NUP50: variants seen among roughly 807,000 people sequenced by gnomAD.
The protein encoded by NUP50 is nucleoporin 50.
NUP50 carries 14 observed loss-of-function variants against 36.8 expected under a neutral mutation model. That is an observed-to-expected ratio of 0.38 (90% CI 0.25 to 0.59). The LOEUF (loss-of-function observed/expected upper bound fraction) is 0.59, where lower values mean the gene tolerates loss of function less well. NUP50 is among the 20% of genes least tolerant of loss of function. NUP50 has a pLI of 0.63. For synonymous variants in NUP50, 195 were observed against 210.8 expected, an observed-to-expected ratio of 0.93 and a Z score of 0.65; for missense variants, 455 against 564.6, an observed-to-expected ratio of 0.81 and a Z score of 1.97.
chr22:45,184,227 GA>G (rs372694653), intron 7 of NUP50: 191 of 553,874 alleles, frequency 3.4e-4, no homozygotes, highest in African/African-American at 3.1e-3. Flanking sequence ...TGGGTGCAGA[GA>G]CCCGGGCTGG....
chr22:45,183,798 GAAATTAA>G (rs1036282521), intron 7 of NUP50: 32 of 336,946 alleles, frequency 9.5e-5, no homozygotes, highest in African/African-American at 6.3e-4. Context: ...ACACCCAAGG[GAAATTAA>G]CCTTTTAAAG....
intron 1 of NUP50, among the ~76,000 whole-genome samples, chr22:45,165,549 T>A (rs1240924785): frequency 6.6e-6 from 1 of 152,244 alleles, no homozygotes; most frequent in Non-Finnish European, 1.5e-5. Flanking sequence ...GTGCCAGGCC[T>A]TGTTCTGAAT....
intron 7 of NUP50, 111 bp from the exon 8 acceptor site, chr22:45,184,340 CCT>C: frequency 1.0e-6 from 1 of 983,292 alleles, no homozygotes; most frequent in Non-Finnish European, 1.5e-6. Flanking sequence ...CTGTTGGCTC[CCT>C]GTCTTAGATG....
Position 45,178,319 on chromosome 22 carries a change from C to T in NUP50, c.422C>T (p.Ser141Phe). Residue 141 changes from serine (S) to phenylalanine (F), a missense_variant, in exon 5 of 8, where the codon TCC (serine) becomes TTC (phenylalanine). Physicochemically the swap from Ser to Phe is radical, Grantham distance 155 (BLOSUM62 -2). Transcript: ENST00000347635. ...ACTAATGGGGACAGTCAGCAGCCCT[C>T]CTCCTCTGGCCTTGCTTCCAGTAAA... ...PKTNGDSQQP[S>F]SSGLASSKAC... 6.2e-7 allele frequency: 1 copy of T among 1,614,010 alleles called. No individual in the cohort carries two copies. Among genetic ancestry groups the T allele is most frequent in the Non-Finnish European group, 8.5e-7 (1 of 1,179,854 alleles).
Position 45,184,615 on chromosome 22 carries a change from A to G in NUP50, c.1367A>G (p.Asp456Gly). ...LIRVKTSEDA[D>G]ELHKILLEKK... ...CGGGTAAAAACCAGCGAGGATGCAGACGAGTTGCACAAAATTTTACTGGAG... is the reference window on the plus strand; with the variant it reads ...CGGGTAAAAACCAGCGAGGATGCAGGCGAGTTGCACAAAATTTTACTGGAG... The change falls in exon 8 of 8, where the codon GAC becomes GGC. Residue 456 changes from aspartate to glycine, a missense_variant. Transcript: ENST00000347635. 2 of 1,613,408 alleles carry G rather than the reference A, an allele frequency of 1.2e-6. No homozygotes were observed. The highest frequency in any genetic ancestry group is 1.1e-5 in the South Asian group (1 of 91,066).
rs2083448688 is a variant in NUP50 at position 45,186,501 on chromosome 22, G to A, written c.*1846G>A. The A allele has an allele frequency of 6.6e-6, 1 of 152,364 alleles. No individual in the cohort carries two copies. Among genetic ancestry groups the A allele is most frequent in the Non-Finnish European group, 1.5e-5 (1 of 68,040 alleles). 9.4% of individuals were successfully genotyped at this position (152,364 alleles called of 1,614,324 possible). On this transcript the variant is annotated 3_prime_UTR_variant, in exon 8 of 8. Coordinates refer to ENST00000347635, the MANE Select transcript of NUP50 (RefSeq NM_007172.4). ...GCTTCCCTGGTACCAGCTGGAATCA[G>A]CAGCTCACAGGCATCTTCAGGACAC...
chr22:45,182,970 G>A (rs1177349357), intron 6 of NUP50, among the ~76,000 whole-genome samples: 1 of 151,602 alleles, frequency 6.6e-6, no homozygotes, highest in Admixed American at 6.6e-5. Context: ...AAAAAGGAGG[G>A]AGAGGTGGGC....
rs2074445200 is a variant in NUP50, at chr22:45,184,872, C to T, written c.*217C>T. 3 of 576,698 alleles carry T rather than the reference C, an allele frequency of 5.2e-6. No individual in the cohort carries two copies. The highest frequency in any genetic ancestry group is 2.2e-5 in the South Asian group (1 of 46,230). 35.7% of individuals were successfully genotyped at this position (576,698 alleles called of 1,614,324 possible). On this transcript the variant is annotated 3_prime_UTR_variant, in exon 8 of 8. Transcript: ENST00000347635. ...TAAGAACTGCCTAAAGTGTAAAATA[C>T]ATTTGAATGCAATTTTTGGAAGATT...
intron 6 of NUP50, among the ~76,000 whole-genome samples, chr22:45,181,649 TCC>T (rs1491392609): frequency 2.0e-5 from 3 of 151,996 alleles, no homozygotes; most frequent in African/African-American, 4.8e-5. Flanking sequence ...TCCCATCCCA[TCC>T]CATTCCATCC....
In NUP50 at chr22:45,181,979, T is replaced by C. The variant is rs2074380582; in HGVS notation, c.1085+612T>C. ...TTTTTGTAATGCAAAAATTTCCGAA[T>C]AATGAGCCAGCAGTTTTCCATGAAC... On this transcript the variant is annotated intron_variant, in intron 6 of 7. Transcript: ENST00000347635. Among the ~76,000 whole-genome samples the C allele has an allele frequency of 2.6e-5, 4 of 152,336 alleles. No homozygotes were observed. The South Asian group carries it at 8.3e-4, about 32-fold the overall frequency.
intron 2 of NUP50, among the ~76,000 whole-genome samples, chr22:45,169,602 A>G (rs2074152808): frequency 1.3e-5 from 2 of 152,270 alleles, no homozygotes; most frequent in Admixed American, 6.5e-5. Flanking sequence ...TACTACTAAT[A>G]TAACCAAGGA....
Position 45,165,103 on chromosome 22 carries a change from C to G in NUP50, c.-11+807C>G, listed in dbSNP as rs2074074595. 9 of 152,234 alleles carry G rather than the reference C, an allele frequency of 5.9e-5. No individual in the cohort carries two copies. In the South Asian group the frequency reaches 1.9e-3, roughly 32 times the overall value. 9.4% of individuals were successfully genotyped at this position (152,234 alleles called of 1,614,324 possible). ...GCAGAGCTACACCAGATGCCAGAGA[C>G]CACATAACTATATCAGGCACAAATA... On this transcript the variant is annotated intron_variant, in intron 1 of 7. Transcript: ENST00000347635.
chr22:45,172,474 A>G (rs1482125557), intron 3 of NUP50, among the ~76,000 whole-genome samples: 1 of 152,216 alleles, frequency 6.6e-6, no homozygotes, highest in African/African-American at 2.4e-5. Flanking sequence ...GGAAATAGTC[A>G]TTGGAGGATC....
At chr22:45,172,601 T>C (rs1434298769) in intron 3 of NUP50, among the ~76,000 whole-genome samples, 1 of 150,392 alleles carries the variant, frequency 6.6e-6, no homozygotes, top group Non-Finnish European at 1.5e-5. Context: ...ATTTCCCTTT[T>C]ATTTCCAAAA....
rs946600536 is a variant in NUP50, at chr22:45,186,475, T to C, written c.*1820T>C. On this transcript the variant is annotated 3_prime_UTR_variant, in exon 8 of 8. Coordinates refer to ENST00000347635, the MANE Select transcript of NUP50 (RefSeq NM_007172.4). ...AAGTTTGTTGCAACTTAGCCACACA[T>C]GCTTCCCTGGTACCAGCTGGAATCA... 8 of 152,312 alleles carry C rather than the reference T, an allele frequency of 5.3e-5. No homozygotes were observed. The highest frequency in any genetic ancestry group is 1.0e-4 in the Non-Finnish European group (7 of 68,040). The allele number at this position is 152,312 out of a possible 1,614,324, so 9.4% of individuals were successfully genotyped here.
At chr22:45,178,164 CAG>C (rs2074306047) in intron 4 of NUP50, 72 bp from the exon 5 acceptor site, 2 of 1,355,476 alleles carry the variant, frequency 1.5e-6, no homozygotes, top group South Asian at 1.3e-5. Flanking sequence ...AGTATGAAGG[CAG>C]AGTGGCAAAA....
At position 45,181,289 on chromosome 22, in the gene NUP50, G is replaced by T. The variant is rs755298702; in HGVS notation, c.1007G>T (p.Gly336Val). 1.9e-6 allele frequency: 3 copies of T among 1,586,756 alleles called. No individual in the cohort carries two copies. Among genetic ancestry groups the T allele is most frequent in the East Asian group, 4.6e-5 (2 of 43,520 alleles). Residue 336 changes from glycine (G) to valine (V), a missense_variant, in exon 6 of 8, where the codon GGA becomes GTA. Physicochemically the swap from Gly to Val is moderately radical, Grantham distance 109 (BLOSUM62 -3). Coordinates refer to ENST00000347635, the MANE Select transcript of NUP50 (RefSeq NM_007172.4). ...ATTATTGTCATTTTTATAAAAGGTGGAGATGAAGAAGAGAATGATGAGCCA... is the reference window on the plus strand; with the variant it reads ...ATTATTGTCATTTTTATAAAAGGTGTAGATGAAGAAGAGAATGATGAGCCA... ...AEGDSGECKG[G>V]DEEENDEPPK... is the part of the protein sequence containing the mutation.
At chr22:45,182,107 A>C (rs369524298) in intron 6 of NUP50, among the ~76,000 whole-genome samples, 1 of 152,042 alleles carries the variant, frequency 6.6e-6, no homozygotes, top group African/African-American at 2.4e-5. Context: ...ACATGACATA[A>C]AGGAGTGACC....
intron 6 of NUP50, among the ~76,000 whole-genome samples, chr22:45,181,745 G>C (rs1181162432): frequency 6.6e-6 from 1 of 152,038 alleles, no homozygotes; most frequent in African/African-American, 2.4e-5. Flanking sequence ...TTTCAGGTTT[G>C]GCCTCAGAAG....
Sources: gnomAD v4.1 joint callset for allele counts (sites outside exome capture counted in the v4.1 genomes callset) on GRCh38, gnomAD v4.1.1 for gene constraint, MANE v1.5 for transcripts, NCBI Gene and HGNC (gene_info 2026-07-23, HGNC 2026-07-21) for gene names.